The following IQSEC1 variants were observed in gnomAD, a reference collection of about 807,000 sequenced individuals.
IQSEC1 encodes the protein IQ motif and Sec7 domain ArfGEF 1, also known as IQ motif and SEC7 domain-containing protein 1.
Under a neutral mutation model 91.0 loss-of-function variants are expected in IQSEC1, and 31 were observed. The ratio of observed to expected loss-of-function variants is 0.34; its 90% CI spans 0.26 to 0.46. The LOEUF (loss-of-function observed/expected upper bound fraction) is 0.46. Among genes scored for constraint, IQSEC1 ranks in the 20% least tolerant of loss-of-function variants. IQSEC1 has a pLI of 1.00. For missense variants in IQSEC1, 1,388 were observed against 1,575.6 expected, an observed-to-expected ratio of 0.88 and a Z score of 2.02; for synonymous variants, 699 against 662.6, an observed-to-expected ratio of 1.05 and a Z score of -0.84.
chr3:13,009,210 C>T (rs553039024), intron 1 of IQSEC1, among the ~76,000 whole-genome samples: 1 of 152,348 alleles, frequency 6.6e-6, no homozygotes, highest in East Asian at 1.9e-4. Flanking sequence ...CCCAGAGAGG[C>T]CTGGTGACTC....
At chr3:13,243,259 C>G (rs775671698) in intron 1 of IQSEC1, among the ~76,000 whole-genome samples, 1 of 152,132 alleles carries the variant, frequency 6.6e-6, no homozygotes, top group Non-Finnish European at 1.5e-5. Flanking sequence ...GGCTTCTGAC[C>G]CTCTGTGGTG....
rs946684601 is a variant in IQSEC1, at chr3:12,899,645, C to T, written c.*1338G>A. 53 of 985,348 alleles carry T rather than the reference C, an allele frequency of 5.4e-5. No homozygotes were observed. Among genetic ancestry groups the T allele is most frequent in the Non-Finnish European group, 6.3e-5 (52 of 829,946 alleles). 61.0% of individuals were successfully genotyped at this position (985,348 alleles called of 1,614,324 possible). ...GGTCACACGGGCCACGGTGAGGACA[C>T]AGGGGTTCTGCTAGCACATGGCTAC... On this transcript the variant is annotated 3_prime_UTR_variant, in exon 14 of 14. Transcript: ENST00000613206.
chr3:13,063,230 C>T lies in IQSEC1; in HGVS notation c.23+9762G>A, dbSNP rs1443113986. On this transcript the variant is annotated intron_variant, in intron 1 of 13. Coordinates refer to ENST00000613206, the MANE Select transcript of IQSEC1 (RefSeq NM_001134382.3). ...CTGCCCACAACCTCACCAGCCATGT[C>T]CCAGCTTTCCTTCAACCAGTGACAA... is the stretch of plus-strand genomic sequence containing the variant. Among the ~76,000 whole-genome samples, 80 of 152,248 alleles carry T rather than the reference C, an allele frequency of 5.3e-4. 1 individual carries two copies. Among genetic ancestry groups the T allele is most frequent in the Admixed American group, 5.2e-3 (80 of 15,290 alleles).
chr3:12,922,166 C>A lies in IQSEC1; in HGVS notation c.1807G>T (p.Val603Phe). 6.2e-7 allele frequency: 1 copy of A among 1,610,888 alleles called. No homozygotes were observed. Among genetic ancestry groups the A allele is most frequent in the African/African-American group, 1.3e-5 (1 of 74,950 alleles). ...ALRKFQAHIR[V>F]QGEAQKVERL... ...TCCACTTTCTGAGCCTCCCCTTGGA[C>A]ACGGATGTGCGCCTGGAATTTCCTG... Residue 603 changes from valine (V) to phenylalanine (F), a missense_variant, in exon 5 of 14, where the codon GTC becomes TTC. Physicochemically the swap from Val to Phe is conservative, Grantham distance 50. Around this residue, in one of 2 missense-constraint regions of IQSEC1, gnomAD observed 1,059 missense variants for 1,317.8 expected, o/e 0.80. Transcript: ENST00000613206. The surrounding 1 kb of genome is among the most constrained non-coding windows in gnomAD (Gnocchi z 5.1).
At chr3:12,978,385 A>G (rs1701286684) in intron 1 of IQSEC1, among the ~76,000 whole-genome samples, 2 of 152,166 alleles carry the variant, frequency 1.3e-5, no homozygotes, top group Admixed American at 6.5e-5. Flanking sequence ...GATGACTGTA[A>G]TACCTGCAGC....
intron 1 of IQSEC1, among the ~76,000 whole-genome samples, chr3:13,203,166 C>CT (rs1694275625): frequency 4.4e-5 from 1 of 22,858 alleles, no homozygotes; most frequent in Non-Finnish European, 6.5e-5. Flanking sequence ...ACCACTACTA[C>CT]ACACACACAC....
chr3:12,941,888 A>G, intron 1 of IQSEC1, 23 bp from the exon 2 acceptor site: 1 of 1,555,354 alleles, frequency 6.4e-7, no homozygotes, highest in African/African-American at 1.4e-5. Context: ...GAGAGGTGAG[A>G]AGCTTCTGGT....
intron 6 of IQSEC1, among the ~76,000 whole-genome samples, chr3:12,916,367 G>T (rs1475999920): frequency 6.6e-6 from 1 of 152,204 alleles, no homozygotes; most frequent in Non-Finnish European, 1.5e-5. Flanking sequence ...TGGAGGCTGG[G>T]CTCTGACCCG....
chr3:13,180,819 C>G (rs28816092), intron 1 of IQSEC1, among the ~76,000 whole-genome samples: 1 of 151,154 alleles, frequency 6.6e-6, no homozygotes, highest in Non-Finnish European at 1.5e-5. Context: ...AGCGAGACCA[C>G]GAACCCACCA....
chr3:13,073,292 C>G lies in IQSEC1; in HGVS notation c.-278G>C, dbSNP rs1045095390. Among the ~76,000 whole-genome samples the G allele has an allele frequency of 1.3e-5, 2 of 152,206 alleles. No homozygotes were observed. The highest frequency in any genetic ancestry group is 4.8e-5 in the African/African-American group (2 of 41,456). On this transcript the variant is annotated 5_prime_UTR_variant, in exon 1 of 14. Transcript: ENST00000613206. ...ACGTCGAGTAACCGTGGTCGCCAGG[C>G]TGGGCGGGGGCGTCCACCTCGCTGC...
At chr3:13,012,005 G>A (rs1187665631) in intron 1 of IQSEC1, among the ~76,000 whole-genome samples, 1 of 152,168 alleles carries the variant, frequency 6.6e-6, no homozygotes, top group Non-Finnish European at 1.5e-5. Flanking sequence ...CTCATCCTCT[G>A]CAAAGTGGGC....
chr3:13,188,408 A>G (rs1044897383), intron 1 of IQSEC1, among the ~76,000 whole-genome samples: 1 of 152,364 alleles, frequency 6.6e-6, no homozygotes, highest in South Asian at 2.1e-4. Flanking sequence ...TAAGAGTCAT[A>G]GTCAACATCA....
chr3:13,127,447 A>C (rs28862287), intron 2 of IQSEC1, among the ~76,000 whole-genome samples: 2 of 151,466 alleles, frequency 1.3e-5, no homozygotes, highest in African/African-American at 2.4e-5. Flanking sequence ...ACAAACAAAA[A>C]AAAAAAAACC....
chr3:13,004,439 C>CT (rs1331617357), intron 1 of IQSEC1, among the ~76,000 whole-genome samples: 1 of 152,092 alleles, frequency 6.6e-6, no homozygotes, highest in Non-Finnish European at 1.5e-5. Flanking sequence ...GTGGAAACCC[C>CT]TCAGCTACAC....
chr3:13,175,466 G>A (rs1364211275), intron 1 of IQSEC1, among the ~76,000 whole-genome samples: 6 of 152,178 alleles, frequency 3.9e-5, no homozygotes, highest in South Asian at 2.1e-4. Flanking sequence ...GCATCCTACA[G>A]TTGAAGAACA....
At chr3:13,239,838 G>T (rs1694990604) in intron 1 of IQSEC1, among the ~76,000 whole-genome samples, 1 of 152,226 alleles carries the variant, frequency 6.6e-6, no homozygotes, top group Non-Finnish European at 1.5e-5. Context: ...CCAGATGCTT[G>T]GAGACCAGAG....
intron 1 of IQSEC1, chr3:13,052,979 C>T: frequency 8.5e-7 from 1 of 1,177,960 alleles, no homozygotes; most frequent in Non-Finnish European, 1.3e-6. Flanking sequence ...ATAGACCCAG[C>T]TTGGTTCTTC....
intron 2 of IQSEC1, among the ~76,000 whole-genome samples, chr3:13,085,972 C>G (rs891655091): frequency 3.3e-5 from 5 of 152,262 alleles, no homozygotes; most frequent in Non-Finnish European, 7.3e-5. Context: ...GGCCCCTCTG[C>G]TTGCACACTT....
At chr3:13,234,173 T>C (rs561965735) in intron 1 of IQSEC1, among the ~76,000 whole-genome samples, 2 of 148,700 alleles carry the variant, frequency 1.3e-5, no homozygotes, top group Admixed American at 1.3e-4. Flanking sequence ...TCTATGTGGG[T>C]CTGTGGGTGT....
Sources: allele counts gnomAD v4.1 joint callset (sites outside exome capture counted in the v4.1 genomes callset), GRCh38; gene constraint gnomAD v4.1.1; regional missense constraint gnomAD v4.1.1; non-coding constraint Gnocchi (gnomAD v3.1); transcripts MANE v1.5; gene names NCBI Gene and HGNC (gene_info 2026-07-23, HGNC 2026-07-21).